PIK3CB: variants seen among roughly 807,000 people sequenced by gnomAD.
PIK3CB encodes the protein phosphatidylinositol-4,5-bisphosphate 3-kinase catalytic subunit beta.
In PIK3CB, 39 loss-of-function variants were observed where a neutral mutation model predicts 136.8. The ratio of observed to expected loss-of-function variants is 0.29; its 90% CI spans 0.22 to 0.37. The LOEUF (loss-of-function observed/expected upper bound fraction) is 0.37. PIK3CB is among the 10% of genes least tolerant of loss of function. The probability of loss-of-function intolerance (pLI) is 1.00; values close to 1 mark genes in which losing one functional copy is unlikely to be tolerated. For synonymous variants in PIK3CB, 428 were observed against 436.6 expected, an observed-to-expected ratio of 0.98 and a Z score of 0.25; for missense variants, 868 against 1,275.4, an observed-to-expected ratio of 0.68 and a Z score of 4.87.
intron 1 of PIK3CB, 39 bp from the exon 2 acceptor site, chr3:138,796,606 G>A (rs938131804): frequency 6.6e-6 from 1 of 151,978 alleles, no homozygotes; most frequent in African/African-American, 2.4e-5. Flanking sequence ...TAATCTAAAT[G>A]AGCTAAATTA....
At chr3:138,677,088 G>A (rs1475631627) in intron 19 of PIK3CB, among the ~76,000 whole-genome samples, 1 of 138,496 alleles carries the variant, frequency 7.2e-6, no homozygotes, top group Non-Finnish European at 1.5e-5. Context: ...ATGGAGCTTC[G>A]CTCTTGTTGC....
rs926296849 is a variant in PIK3CB, at chr3:138,683,605, C to T, written c.2425+73G>A. ...TGTTACACACTTACACTACACATCA[C>T]CTTTCAGATAAAGCAAAATGGCAAC... On this transcript the variant is annotated intron_variant, in intron 18 of 23. Coordinates refer to ENST00000674063, the MANE Select transcript of PIK3CB (RefSeq NM_006219.3). The T allele has an allele frequency of 2.8e-5, 23 of 825,298 alleles. No homozygotes were observed. In the African/African-American group the frequency reaches 3.2e-4, roughly 11 times the overall value. 51.1% of individuals were successfully genotyped at this position (825,298 alleles called of 1,614,324 possible).
chr3:138,670,773 G>C (rs1054861716), intron 19 of PIK3CB, among the ~76,000 whole-genome samples: 5 of 152,072 alleles, frequency 3.3e-5, no homozygotes, highest in Non-Finnish European at 7.4e-5. Context: ...AGCTGCATTA[G>C]AAATTCCTCC....
chr3:138,804,269 T>A (rs1276681869), intron 1 of PIK3CB, among the ~76,000 whole-genome samples: 1 of 152,176 alleles, frequency 6.6e-6, no homozygotes, highest in East Asian at 1.9e-4. Context: ...ATCCTAGCAC[T>A]TTGGGAGGCC....
intron 12 of PIK3CB, among the ~76,000 whole-genome samples, chr3:138,701,226 AC>A (rs369526989): frequency 5.9e-5 from 9 of 151,612 alleles, no homozygotes; most frequent in Admixed American, 3.3e-4. Flanking sequence ...AAAAAAAAAA[AC>A]AAAAAACAAA....
intron 10 of PIK3CB, 68 bp from the exon 11 acceptor site, chr3:138,707,357 T>C (rs2044400681): frequency 1.3e-6 from 2 of 1,518,174 alleles, no homozygotes; most frequent in Non-Finnish European, 1.8e-6. Flanking sequence ...AAAGCTGTAA[T>C]GGATCTCCTC....
intron 8 of PIK3CB, among the ~76,000 whole-genome samples, chr3:138,725,418 T>C (rs2044816501): frequency 6.6e-6 from 1 of 152,188 alleles, no homozygotes; most frequent in Admixed American, 6.5e-5. Flanking sequence ...TTTCCTTAAG[T>C]AGTCTTCCTG....
intron 14 of PIK3CB, among the ~76,000 whole-genome samples, chr3:138,691,475 C>G (rs896520692): frequency 1.3e-5 from 2 of 152,176 alleles, no homozygotes; most frequent in Admixed American, 6.5e-5. Flanking sequence ...AAAGGAGCAT[C>G]CTGGTGGGAG....
intron 19 of PIK3CB, among the ~76,000 whole-genome samples, chr3:138,670,307 T>G (rs937550475): frequency 6.6e-6 from 1 of 152,220 alleles, no homozygotes; most frequent in African/African-American, 2.4e-5. Flanking sequence ...AAGCTCATGA[T>G]ATGGCCTGAA....
intron 4 of PIK3CB, among the ~76,000 whole-genome samples, chr3:138,743,811 TCA>T (rs1231045954): frequency 2.0e-5 from 3 of 152,164 alleles, no homozygotes; most frequent in African/African-American, 7.2e-5. Context: ...TCCTCCCACC[TCA>T]GTCTGACAAA....
intron 10 of PIK3CB, among the ~76,000 whole-genome samples, chr3:138,709,540 C>T (rs2044451560): frequency 1.3e-5 from 2 of 152,080 alleles, no homozygotes; most frequent in Non-Finnish European, 2.9e-5. Flanking sequence ...GATTGTATAC[C>T]TTGTAATGAT....
chr3:138,814,671 A>G (rs530570749), intron 1 of PIK3CB, among the ~76,000 whole-genome samples: 97 of 152,004 alleles, frequency 6.4e-4, no homozygotes, highest in Non-Finnish European at 1.1e-3. Flanking sequence ...GTCTCCACAT[A>G]TATGTTCCAA....
At chr3:138,687,490 G>A (rs2043919899) in intron 16 of PIK3CB, among the ~76,000 whole-genome samples, 1 of 151,828 alleles carries the variant, frequency 6.6e-6, no homozygotes. Context: ...TTTGAGACAG[G>A]GTCTTGCTCT....
At chr3:138,821,125 A>G (rs1202186548) in intron 1 of PIK3CB, among the ~76,000 whole-genome samples, 1 of 151,346 alleles carries the variant, frequency 6.6e-6, no homozygotes, top group Non-Finnish European at 1.5e-5. Flanking sequence ...TCTGTACTAA[A>G]AATATAAAAA....
chr3:138,691,303 C>CA (rs1389085408), intron 14 of PIK3CB, among the ~76,000 whole-genome samples, 160 bp from the exon 15 acceptor site: 1 of 151,880 alleles, frequency 6.6e-6, no homozygotes. Flanking sequence ...TACAATATCA[C>CA]AAAAAAAGCT....
At chr3:138,806,819 T>C (rs2046239338) in intron 1 of PIK3CB, among the ~76,000 whole-genome samples, 1 of 152,180 alleles carries the variant, frequency 6.6e-6, no homozygotes, top group Non-Finnish European at 1.5e-5. Flanking sequence ...CAGCTGGACG[T>C]TGAAGAATAC....
chr3:138,829,074 T>C (rs1199715706), intron 1 of PIK3CB, among the ~76,000 whole-genome samples: 1 of 151,738 alleles, frequency 6.6e-6, no homozygotes, highest in African/African-American at 2.4e-5. Context: ...AGTTCTGGGA[T>C]TACAAGCGTG....
At chr3:138,709,982 A>G (rs563308778) in intron 10 of PIK3CB, among the ~76,000 whole-genome samples, 2 of 148,774 alleles carry the variant, frequency 1.3e-5, no homozygotes, top group Admixed American at 6.9e-5. Context: ...GTTCGAGACC[A>G]GCTTGGGCAA....
At chr3:138,788,585 A>C (rs1384835991) in intron 2 of PIK3CB, among the ~76,000 whole-genome samples, 10 of 143,960 alleles carry the variant, frequency 6.9e-5, no homozygotes, top group African/African-American at 2.3e-4. Flanking sequence ...TAAACCTGGG[A>C]GACTGAGGTT....
Sources: allele counts gnomAD v4.1 joint callset (sites outside exome capture counted in the v4.1 genomes callset), GRCh38; gene constraint gnomAD v4.1.1; transcripts MANE v1.5; gene names NCBI Gene and HGNC (gene_info 2026-07-23, HGNC 2026-07-21).